Variants in TXNRD1 observed in about 807,000 individuals in gnomAD.
TXNRD1 encodes the protein thioredoxin reductase 1, cytoplasmic.
TXNRD1 carries 57 observed loss-of-function variants against 80.3 expected under a neutral mutation model. The observed-to-expected ratio is 0.71, with a 90% CI of 0.57 to 0.89. The LOEUF is 0.89. Among genes scored for constraint, TXNRD1 ranks in the 40% least tolerant of loss-of-function variants. TXNRD1 has a pLI of 0.00. For synonymous variants in TXNRD1, 291 were observed against 285.2 expected, an observed-to-expected ratio of 1.02 and a Z score of -0.20; for missense variants, 730 against 803.0, an observed-to-expected ratio of 0.91 and a Z score of 1.10.
intron 15 of TXNRD1, among the ~76,000 whole-genome samples, chr12:104,337,604 C>T (rs2036182349): frequency 6.6e-6 from 1 of 151,884 alleles, no homozygotes; most frequent in Non-Finnish European, 1.5e-5. Context: ...CGCCTGTAAT[C>T]CCAGCACTTT....
At chr12:104,277,236 A>C (rs2033774563) in intron 3 of TXNRD1, among the ~76,000 whole-genome samples, 1 of 2,110 alleles carries the variant, frequency 4.7e-4, no homozygotes, top group Non-Finnish European at 1.2e-3. Flanking sequence ...CTAAAAATAC[A>C]AAAAAAAAAA....
Position 104,327,511 on chromosome 12 carries a change from G to C in TXNRD1, c.1386-4G>C, listed in dbSNP as rs554789073. The C allele has an allele frequency of 1.2e-6, 2 of 1,607,282 alleles. No homozygotes were observed. The highest frequency in any genetic ancestry group is 1.7e-6 in the Non-Finnish European group (2 of 1,175,460). ...TGATGATTTTTAACTGAATAAAATT[G>C]CAGGACTGGAAAAATACCTGTCACA... On this transcript the variant is annotated splice_region_variant and splice_polypyrimidine_tract_variant and intron_variant, in intron 12 of 16. Transcript: ENST00000525566.
At chr12:104,254,644 A>AAAAAAAAATATATATATATATATATATAT in intron 2 of TXNRD1, among the ~76,000 whole-genome samples, 3 of 93,642 alleles carry the variant, frequency 3.2e-5, no homozygotes, top group Admixed American at 1.3e-4. Flanking sequence ...AAAAAAAAAA[A>AAAAAAAAATATATATATATATATATATAT]ATATATATAT....
chr12:104,312,005 T>C (rs2035154461), intron 5 of TXNRD1, among the ~76,000 whole-genome samples: 1 of 40,842 alleles, frequency 2.4e-5, no homozygotes, highest in African/African-American at 6.4e-5. Flanking sequence ...TATATATGTG[T>C]ATATATATGT....
chr12:104,255,690 G>T (rs1447491384), intron 2 of TXNRD1, among the ~76,000 whole-genome samples: 1 of 152,152 alleles, frequency 6.6e-6, no homozygotes, highest in African/African-American at 2.4e-5. Flanking sequence ...CTACTAGGGA[G>T]GCTGAGGCAG....
At chr12:104,265,977 A>C in intron 3 of TXNRD1, 1 of 609,688 alleles carries the variant, frequency 1.6e-6, no homozygotes, top group Non-Finnish European at 2.8e-6. Flanking sequence ...AAGAAAAGAA[A>C]TAATAATAGG....
At chr12:104,306,438 AT>A (rs1281259901) in intron 4 of TXNRD1, among the ~76,000 whole-genome samples, 1 of 152,214 alleles carries the variant, frequency 6.6e-6, no homozygotes, top group South Asian at 2.1e-4. Flanking sequence ...TAGGAGCTTA[AT>A]TTTTGGTAGT....
intron 4 of TXNRD1, chr12:104,303,666 C>T (rs1373923258): frequency 1.3e-5 from 6 of 462,006 alleles, no homozygotes; most frequent in African/African-American, 8.4e-5. Context: ...GTGGCTGGGC[C>T]GGGCCGGGGC....
At chr12:104,254,893 C>T (rs951501964) in intron 2 of TXNRD1, among the ~76,000 whole-genome samples, 4 of 151,344 alleles carry the variant, frequency 2.6e-5, no homozygotes, top group African/African-American at 9.7e-5. Flanking sequence ...TCACTTGAGG[C>T]CAGGAGTTCA....
chr12:104,223,084 T>G (rs2032389017), intron 1 of TXNRD1, among the ~76,000 whole-genome samples: 1 of 152,152 alleles, frequency 6.6e-6, no homozygotes, highest in Admixed American at 6.5e-5. Context: ...GTTTGGACAT[T>G]TTTCTTAAGA....
chr12:104,229,490 T>G (rs984795104), intron 1 of TXNRD1, among the ~76,000 whole-genome samples: 3 of 152,162 alleles, frequency 2.0e-5, no homozygotes, highest in African/African-American at 7.2e-5. Context: ...ATTTTCAAGG[T>G]TTATTCACAT....
chr12:104,222,076 A>C (rs1017153395), intron 1 of TXNRD1, among the ~76,000 whole-genome samples: 34 of 152,296 alleles, frequency 2.2e-4, no homozygotes, highest in African/African-American at 7.5e-4. Flanking sequence ...ATCTCTATTT[A>C]TCATTTTTGT....
chr12:104,276,332 G>T (rs753712077), intron 3 of TXNRD1, among the ~76,000 whole-genome samples: 14 of 152,172 alleles, frequency 9.2e-5, no homozygotes, highest in Non-Finnish European at 1.6e-4. Context: ...AGAGCTGCTG[G>T]GAAGAGAAGA....
intron 1 of TXNRD1, among the ~76,000 whole-genome samples, chr12:104,229,602 A>ATTTTATTTTATTTTATTTTATTTTATTTT: frequency 1.1e-5 from 1 of 89,302 alleles, no homozygotes; most frequent in East Asian, 3.5e-4. Flanking sequence ...TATTTTATTT[A>ATTTTATTTTATTTTATTTTATTTTATTTT]TTTTTTTTGA....
At chr12:104,242,941 A>G (rs766173678) in intron 1 of TXNRD1, among the ~76,000 whole-genome samples, 15 of 152,312 alleles carry the variant, frequency 9.8e-5, no homozygotes, top group Middle Eastern at 3.4e-3. Flanking sequence ...GCATATAATC[A>G]TATTAGAATA....
chr12:104,333,071 T>C (rs1032856897), intron 14 of TXNRD1, among the ~76,000 whole-genome samples: 14 of 151,948 alleles, frequency 9.2e-5, no homozygotes, highest in Non-Finnish European at 1.9e-4. Flanking sequence ...AAATCTCCAT[T>C]TAAAAAAAAT....
At chr12:104,272,381 G>A (rs1408496353) in intron 3 of TXNRD1, among the ~76,000 whole-genome samples, 1 of 152,156 alleles carries the variant, frequency 6.6e-6, no homozygotes, top group Non-Finnish European at 1.5e-5. Flanking sequence ...CAGGTAATCG[G>A]AATGAGTCAG....
chr12:104,313,719 A>G (rs951110974), intron 6 of TXNRD1, among the ~76,000 whole-genome samples: 1 of 152,232 alleles, frequency 6.6e-6, no homozygotes, highest in Non-Finnish European at 1.5e-5. Flanking sequence ...TTGATGAATT[A>G]TATGTTCATA....
intron 3 of TXNRD1, among the ~76,000 whole-genome samples, chr12:104,268,373 A>G (rs1004720593): frequency 2.0e-5 from 3 of 149,946 alleles, no homozygotes; most frequent in Admixed American, 2.0e-4. Context: ...AAACCCACCC[A>G]TATTAGCCGG....
Sources: gnomAD v4.1 joint callset for allele counts (sites outside exome capture counted in the v4.1 genomes callset) on GRCh38, gnomAD v4.1.1 for gene constraint, MANE v1.5 for transcripts, NCBI Gene and HGNC (gene_info 2026-07-23, HGNC 2026-07-21) for gene names.